CERS5: variants seen among roughly 807,000 people sequenced by gnomAD.
The protein encoded by CERS5 is LAG1 homolog, ceramide synthase 5.
CERS5 carries 37 observed loss-of-function variants against 58.9 expected under a neutral mutation model. That is an observed-to-expected ratio of 0.63 (90% CI 0.48 to 0.83). The LOEUF is 0.83. Ranked by LOEUF, CERS5 falls within the 40% of genes least tolerant of loss-of-function variation. CERS5 has a pLI of 0.00. For synonymous variants in CERS5, 147 were observed against 177.8 expected (o/e 0.83, Z 1.38); for missense variants, 398 against 489.3 (o/e 0.81, Z 1.76).
At chr12:50,131,183 C>T (rs1224991023) in intron 9 of CERS5, among the ~76,000 whole-genome samples, 12 of 152,202 alleles carry the variant, frequency 7.9e-5, no homozygotes, top group Admixed American at 7.9e-4. Context: ...TTTCCCACTC[C>T]TGGGCTCAAC....
Position 50,130,359 on chromosome 12 carries a change from G to A in CERS5, c.*186C>T, listed in dbSNP as rs1268577426. On this transcript the variant is annotated 3_prime_UTR_variant, in exon 10 of 10. Transcript: ENST00000317551. Reference sequence around the variant, plus strand: ...CACAGAGCAAATAACATTACTGAAAGAACCTGGAGGCTATTAAATACAAAA... The same window carrying A: ...CACAGAGCAAATAACATTACTGAAAAAACCTGGAGGCTATTAAATACAAAA... The A allele has an allele frequency of 8.2e-6, 4 of 485,404 alleles. No individual in the cohort carries two copies. Among genetic ancestry groups the A allele is most frequent in the African/African-American group, 7.8e-5 (4 of 51,252 alleles). The allele number at this position is 485,404 out of a possible 1,614,324, so 30.1% of individuals were successfully genotyped here. A position where few individuals can be genotyped will look rare whatever the true frequency, so the allele number is the denominator to read the frequency against.
At chr12:50,147,345 A>T (rs901218017) in intron 1 of CERS5, 1 of 148,422 alleles carries the variant, frequency 6.7e-6, no homozygotes, top group African/African-American at 2.5e-5. Flanking sequence ...GGAAATTACA[A>T]TGAGCTGAGA....
At chr12:50,159,184 G>C (rs937231188) in intron 1 of CERS5, among the ~76,000 whole-genome samples, 2 of 152,076 alleles carry the variant, frequency 1.3e-5, no homozygotes, top group African/African-American at 4.8e-5. Flanking sequence ...AGCCGGGTGT[G>C]GTGGCGGGCG....
chr12:50,133,254 C>G, intron 9 of CERS5: 1 of 1,078,320 alleles, frequency 9.3e-7, no homozygotes, highest in Non-Finnish European at 1.1e-6. Flanking sequence ...GCCCCTCCCA[C>G]TTGGGATTCT....
chr12:50,136,562 A>G (rs1345588309), intron 6 of CERS5, among the ~76,000 whole-genome samples: 1 of 152,142 alleles, frequency 6.6e-6, no homozygotes, highest in Admixed American at 6.5e-5. Context: ...TGACTGACCC[A>G]TACTCTATGT....
chr12:50,145,548 T>C (rs1318040039), intron 1 of CERS5, among the ~76,000 whole-genome samples: 2 of 152,160 alleles, frequency 1.3e-5, no homozygotes, highest in Non-Finnish European at 2.9e-5. Flanking sequence ...ATAAGAAACT[T>C]TATCTCCCTC....
intron 2 of CERS5, chr12:50,143,439 A>C: frequency 2.5e-6 from 1 of 407,136 alleles, no homozygotes; most frequent in Non-Finnish European, 4.3e-6. Context: ...CTGAGTAAAA[A>C]AGGATATTAA....
intron 9 of CERS5, among the ~76,000 whole-genome samples, chr12:50,131,751 A>G (rs1363959789): frequency 3.3e-5 from 5 of 152,066 alleles, no homozygotes; most frequent in Admixed American, 2.6e-4. Context: ...TTTGGATTAC[A>G]GCAGCATTTC....
chr12:50,131,368 G>C (rs1157304871), intron 9 of CERS5, among the ~76,000 whole-genome samples: 1 of 152,038 alleles, frequency 6.6e-6, no homozygotes, highest in Non-Finnish European at 1.5e-5. Flanking sequence ...AGACCAGCCT[G>C]AGCAACATGG....
chr12:50,159,117 A>G (rs975307501), intron 1 of CERS5, among the ~76,000 whole-genome samples: 5 of 152,216 alleles, frequency 3.3e-5, no homozygotes, highest in Non-Finnish European at 4.4e-5. Context: ...GTCAGGAGAT[A>G]GAGACCATCC....
At position 50,150,152 on chromosome 12, in the gene CERS5, G is replaced by A. The variant is rs563563266; in HGVS notation, c.198-6095C>T. 2.9e-4 allele frequency among the ~76,000 whole-genome samples: 44 copies of A among 152,282 alleles called. 1 individual carries two copies. The highest frequency in any genetic ancestry group is 1.0e-3 in the African/African-American group (43 of 41,562). On this transcript the variant is annotated intron_variant, in intron 1 of 9. Transcript: ENST00000317551. ...CAAAGTAGACATATAAAAAGAACAG[G>A]AGTTTAAGACCAGTCTGGGCAACAT...
At chr12:50,158,172 T>TGA (rs1171441432) in intron 1 of CERS5, among the ~76,000 whole-genome samples, 2 of 152,042 alleles carry the variant, frequency 1.3e-5, no homozygotes, top group Non-Finnish European at 2.9e-5. Flanking sequence ...AGAATTCTAC[T>TGA]GAGAGGACAC....
Position 50,167,307 on chromosome 12 carries a change from AC to A in CERS5, c.-11del. Reference sequence around the variant, plus strand: ...GCGCTGCTGTCGCCATCTTACGCCCACCCCGAAGCCACCGCCGCCACAAGCG... The same window carrying A: ...GCGCTGCTGTCGCCATCTTACGCCCACCCGAAGCCACCGCCGCCACAAGCG... On this transcript the variant is annotated 5_prime_UTR_variant, in exon 1 of 10. Transcript: ENST00000317551. The A allele has an allele frequency of 7.1e-7, 1 of 1,414,248 alleles. No homozygotes were observed. Among genetic ancestry groups the A allele is most frequent in the East Asian group, 2.9e-5 (1 of 34,378 alleles). 87.6% of individuals were successfully genotyped at this position (1,414,248 alleles called of 1,614,324 possible). A position where few individuals can be genotyped will look rare whatever the true frequency, so the allele number is the denominator to read the frequency against.
chr12:50,166,095 G>A (rs1939849380), intron 1 of CERS5: 1 of 331,544 alleles, frequency 3.0e-6, no homozygotes. Flanking sequence ...GGCAGAGGCG[G>A]GCGGATCACT....
intron 1 of CERS5, among the ~76,000 whole-genome samples, chr12:50,153,154 C>G (rs931162008): frequency 6.6e-6 from 1 of 151,780 alleles, no homozygotes; most frequent in African/African-American, 2.4e-5. Context: ...AAAATTCAAG[C>G]TTTCAAGTGA....
chr12:50,152,342 G>T (rs7972465), intron 1 of CERS5, among the ~76,000 whole-genome samples: 100,681 of 152,120 alleles, frequency 0.66, 33,582 homozygotes, highest in East Asian at 0.84. Flanking sequence ...TGTAGAGCTA[G>T]GTCTTCTCAA....
At chr12:50,146,563 G>A (rs1952278682) in intron 1 of CERS5, among the ~76,000 whole-genome samples, 3 of 152,294 alleles carry the variant, frequency 2.0e-5, no homozygotes, top group East Asian at 3.9e-4. Context: ...TATATGGAGC[G>A]TAAGAACATT....
intron 5 of CERS5, among the ~76,000 whole-genome samples, 170 bp downstream of exon 5, chr12:50,138,397 G>GT (rs915116819): frequency 2.3e-5 from 3 of 131,484 alleles, no homozygotes; most frequent in Non-Finnish European, 3.2e-5. Flanking sequence ...ACTCTTAGCA[G>GT]TGGGGGGGAA....
intron 1 of CERS5, among the ~76,000 whole-genome samples, chr12:50,163,917 G>C (rs1299697687): frequency 1.3e-5 from 2 of 151,396 alleles, no homozygotes; most frequent in Non-Finnish European, 2.9e-5. Context: ...GCCTCCCAAA[G>C]TGCTGGGATT....
Sources: gnomAD v4.1 joint callset for allele counts (sites outside exome capture counted in the v4.1 genomes callset) on GRCh38, gnomAD v4.1.1 for gene constraint, MANE v1.5 for transcripts, NCBI Gene and HGNC (gene_info 2026-07-23, HGNC 2026-07-21) for gene names.